The following TCF12 variants were observed in gnomAD, a reference collection of about 807,000 sequenced individuals.
TCF12 encodes the protein DNA-binding protein HTF4.
In TCF12, 45 loss-of-function variants were observed where a neutral mutation model predicts 86.0. The ratio of observed to expected loss-of-function variants is 0.52; its 90% CI spans 0.41 to 0.67. The LOEUF is 0.67. Among genes scored for constraint, TCF12 ranks in the 30% least tolerant of loss-of-function variants. The pLI, the probability that TCF12 is intolerant of heterozygous loss-of-function variation, is 0.00. For synonymous variants in TCF12, 330 were observed against 299.6 expected (o/e 1.10, Z -1.05); for missense variants, 881 against 859.9 (o/e 1.02, Z -0.31).
intron 6 of TCF12, 26 bp from the exon 7 acceptor site, chr15:57,192,132 C>T (rs2151710467): frequency 6.2e-7 from 1 of 1,609,858 alleles, no homozygotes; most frequent in African/African-American, 1.3e-5. Context: ...AGGAAAATAA[C>T]TTGTTTCCTT....
intron 3 of TCF12, among the ~76,000 whole-genome samples, chr15:56,995,231 CTTTTTTTTTTTTTTTT>C (rs557610511): frequency 1.3e-4 from 4 of 30,282 alleles, no homozygotes; most frequent in South Asian, 2.7e-3. Context: ...ATACCTGCAG[CTTTTTTTTTTTTTTTT>C]TTTTTTTTTT....
chr15:57,118,190 C>A (rs1395747952), intron 5 of TCF12, among the ~76,000 whole-genome samples: 7 of 152,198 alleles, frequency 4.6e-5, no homozygotes, highest in Non-Finnish European at 1.5e-5. Context: ...ACAGACACAG[C>A]TTGGTCCCCT....
chr15:57,232,211 C>G, intron 9 of TCF12, 80 bp from the exon 10 acceptor site: 1 of 1,516,268 alleles, frequency 6.6e-7, no homozygotes. Flanking sequence ...GGAGGGTACC[C>G]CTTGAATTTT....
rs1225794910 is a variant in TCF12, at chr15:56,950,748, T to C, written c.148+29650T>C. 7.6e-3 allele frequency among the ~76,000 whole-genome samples: 634 copies of C among 83,244 alleles called. 163 individuals carry two copies. Among genetic ancestry groups the C allele is most frequent in the African/African-American group, 0.025 (576 of 22,970 alleles). The allele number at this position is 83,244 out of a possible 152,430, so 54.6% of individuals were successfully genotyped here. A position where few individuals can be genotyped will look rare whatever the true frequency, so the allele number is the denominator to read the frequency against. On this transcript the variant is annotated intron_variant, in intron 3 of 20. Coordinates refer to ENST00000333725, the MANE Select transcript of TCF12 (RefSeq NM_207037.2). Reference sequence around the variant, plus strand: ...CAAATAAAGCTATTATGACCATGTTTTTTTTTTTTTTTTTTTTTTTTTTTT... The same window carrying C: ...CAAATAAAGCTATTATGACCATGTTCTTTTTTTTTTTTTTTTTTTTTTTTT...
chr15:57,163,283 TTAGAAA>T (rs1399078264), intron 5 of TCF12, among the ~76,000 whole-genome samples: 1 of 152,190 alleles, frequency 6.6e-6, no homozygotes, highest in Admixed American at 6.5e-5. Context: ...TTTAAAAACC[TTAGAAA>T]TAGACTAGTA....
chr15:57,231,226 C>T lies in TCF12; in HGVS notation c.654C>T (p.Thr218=), dbSNP rs1276577953. The T allele has an allele frequency of 2.5e-6, 4 of 1,613,010 alleles. No individual in the cohort carries two copies. ...SPSYPSPKPP[T]SMFASTFFMQ... is the part of the protein sequence containing the mutation. ...GTTATCCATCTCCTAAGCCACCAAC[C>T]AGTATGTTCGCTAGCACTTTCTTTA... The change falls in exon 9 of 21, where the codon ACC becomes ACT. Residue 218 remains threonine, a synonymous_variant. Transcript: ENST00000333725.
At chr15:57,107,170 C>T (rs998034557) in intron 5 of TCF12, among the ~76,000 whole-genome samples, 5 of 152,082 alleles carry the variant, frequency 3.3e-5, no homozygotes, top group Non-Finnish European at 4.4e-5. Flanking sequence ...ACCAAGATGT[C>T]CTTCAGTAGG....
intron 3 of TCF12, among the ~76,000 whole-genome samples, chr15:57,034,269 A>C (rs962045003): frequency 6.6e-6 from 1 of 152,108 alleles, no homozygotes; most frequent in Non-Finnish European, 1.5e-5. Flanking sequence ...GAATGGAAGA[A>C]TCTTTAGGTT....
chr15:57,110,184 C>G (rs1430807864), intron 5 of TCF12, among the ~76,000 whole-genome samples: 1 of 152,056 alleles, frequency 6.6e-6, no homozygotes, highest in African/African-American at 2.4e-5. Flanking sequence ...GATAATGGTT[C>G]TAAGGGTCAA....
At chr15:57,144,290 A>T (rs905985921) in intron 5 of TCF12, among the ~76,000 whole-genome samples, 1 of 152,210 alleles carries the variant, frequency 6.6e-6, no homozygotes, top group Non-Finnish European at 1.5e-5. Context: ...TCTAAGGATT[A>T]TCTTTTGGAA....
At chr15:56,960,303 T>C (rs1458037302) in intron 3 of TCF12, among the ~76,000 whole-genome samples, 1 of 152,200 alleles carries the variant, frequency 6.6e-6, no homozygotes, top group Non-Finnish European at 1.5e-5. Flanking sequence ...TCTATTTTTG[T>C]AAGTAATTTT....
rs186985112 is a variant in TCF12 at position 57,027,480 on chromosome 15, C to G, written c.149-36270C>G. 7.9e-5 allele frequency among the ~76,000 whole-genome samples: 12 copies of G among 152,172 alleles called. No homozygotes were observed. The East Asian group carries it at 1.9e-3, about 24-fold the overall frequency. ...TTCGTTCGTTGATGTATATTTGGAC[C>G]TTTTAGAGTTTTTAAGCTATTATGA... On this transcript the variant is annotated intron_variant, in intron 3 of 20. Transcript: ENST00000333725.
chr15:57,238,023 A>G (rs2059451117), intron 12 of TCF12, among the ~76,000 whole-genome samples: 1 of 152,220 alleles, frequency 6.6e-6, no homozygotes, highest in South Asian at 2.1e-4. Flanking sequence ...TAGGAAAAGT[A>G]TTGATAACAA....
chr15:57,029,221 C>T (rs1483562844), intron 3 of TCF12, among the ~76,000 whole-genome samples: 2 of 152,082 alleles, frequency 1.3e-5, no homozygotes, highest in Non-Finnish European at 2.9e-5. Flanking sequence ...TTGTTTGAGA[C>T]TATCATGTCT....
intron 16 of TCF12, among the ~76,000 whole-genome samples, chr15:57,260,987 A>G (rs1419844493): frequency 1.3e-5 from 2 of 152,166 alleles, no homozygotes; most frequent in Non-Finnish European, 2.9e-5. Flanking sequence ...AAACTTTCTG[A>G]AAGTGGGAAG....
intron 5 of TCF12, among the ~76,000 whole-genome samples, chr15:57,138,424 T>C (rs543466044): frequency 2.0e-5 from 3 of 152,300 alleles, no homozygotes; most frequent in African/African-American, 7.2e-5. Context: ...GCTTAAAACC[T>C]TCAGAAGTCA....
At chr15:57,110,494 C>A (rs986927123) in intron 5 of TCF12, among the ~76,000 whole-genome samples, 1 of 152,098 alleles carries the variant, frequency 6.6e-6, no homozygotes, top group Admixed American at 6.5e-5. Flanking sequence ...GAGAAACTGG[C>A]GTCATCGTTC....
chr15:56,949,189 A>T (rs554317232), intron 3 of TCF12, among the ~76,000 whole-genome samples: 2 of 152,312 alleles, frequency 1.3e-5, no homozygotes, highest in East Asian at 3.9e-4. Flanking sequence ...GACTTGTTGC[A>T]TTACTCTGTA....
chr15:57,097,970 A>G (rs1473241986), intron 5 of TCF12, among the ~76,000 whole-genome samples: 4 of 149,052 alleles, frequency 2.7e-5, no homozygotes, highest in African/African-American at 4.9e-5. Flanking sequence ...AGCCTGACCA[A>G]CATGGTGAAA....
Sources: gnomAD v4.1 joint callset for allele counts (sites outside exome capture counted in the v4.1 genomes callset) on GRCh38, gnomAD v4.1.1 for gene constraint, MANE v1.5 for transcripts, NCBI Gene and HGNC (gene_info 2026-07-23, HGNC 2026-07-21) for gene names.